PPTC7: variants seen among roughly 807,000 people sequenced by gnomAD.
PPTC7 encodes the protein protein phosphatase targeting COQ7, also known as protein phosphatase PTC7 homolog.
Under a neutral mutation model 30.8 loss-of-function variants are expected in PPTC7, and 6 were observed. That is an observed-to-expected ratio of 0.19 (90% CI 0.11 to 0.38). The LOEUF (loss-of-function observed/expected upper bound fraction) is 0.38, where lower values mean the gene tolerates loss of function less well. Among genes scored for constraint, PPTC7 ranks in the 10% least tolerant of loss-of-function variants. PPTC7 has a pLI of 1.00. For synonymous variants in PPTC7, 163 were observed against 168.1 expected, an observed-to-expected ratio of 0.97 and a Z score of 0.23; for missense variants, 218 against 404.8, an observed-to-expected ratio of 0.54 and a Z score of 3.96.
At chr12:110,556,892 G>A (rs544550735) in intron 1 of PPTC7, among the ~76,000 whole-genome samples, 7 of 152,274 alleles carry the variant, frequency 4.6e-5, no homozygotes, top group Admixed American at 2.6e-4. Flanking sequence ...AGAATGCAGC[G>A]CCTCAAGAAC....
At position 110,534,636 on chromosome 12, in the gene PPTC7, CAG is replaced by C. The variant is rs765749072; in HGVS notation, c.*2399_*2400del. The C allele has an allele frequency of 1.5e-4, 23 of 152,076 alleles. No homozygotes were observed. The highest frequency in any genetic ancestry group is 7.3e-5 in the Non-Finnish European group (5 of 68,032). The allele number at this position is 152,076 out of a possible 1,614,324, so 9.4% of individuals were successfully genotyped here. ...AATTAAGTGCATAACACAAAAAGAA[CAG>C]GGGAAAATAGAGAAAATATTTTATG... On this transcript the variant is annotated 3_prime_UTR_variant, in exon 6 of 6. Transcript: ENST00000354300.
intron 1 of PPTC7, among the ~76,000 whole-genome samples, chr12:110,559,679 T>G (rs1177451029): frequency 6.8e-6 from 1 of 146,368 alleles, no homozygotes; most frequent in Non-Finnish European, 1.5e-5. Context: ...TGAGCCAAGA[T>G]TGCATCACTG....
chr12:110,580,614 ACAGG>A (rs1317552161), intron 1 of PPTC7, among the ~76,000 whole-genome samples: 1 of 152,246 alleles, frequency 6.6e-6, no homozygotes, highest in Non-Finnish European at 1.5e-5. Flanking sequence ...TGCTGGGATT[ACAGG>A]CGTGAGCCAC....
intron 1 of PPTC7, among the ~76,000 whole-genome samples, chr12:110,565,010 G>A (rs1000307267): frequency 1.3e-5 from 2 of 151,526 alleles, no homozygotes. Context: ...GAGTAGCTGG[G>A]ATTACAGGCA....
chr12:110,563,307 TCA>T (rs2064454233), intron 1 of PPTC7, among the ~76,000 whole-genome samples: 1 of 152,022 alleles, frequency 6.6e-6, no homozygotes, highest in Admixed American at 6.6e-5. Context: ...ACTGAAAAGT[TCA>T]ACCCTGTAAT....
intron 3 of PPTC7, among the ~76,000 whole-genome samples, 180 bp from the exon 4 acceptor site, chr12:110,540,125 C>A (rs907141271): frequency 6.6e-6 from 1 of 152,172 alleles, no homozygotes; most frequent in South Asian, 2.1e-4. Flanking sequence ...AAAAGTTAAT[C>A]GAAAATTCTA....
intron 3 of PPTC7, among the ~76,000 whole-genome samples, chr12:110,540,834 G>A (rs2064253350): frequency 6.6e-6 from 1 of 151,146 alleles, no homozygotes; most frequent in Admixed American, 6.6e-5. Flanking sequence ...GGAGTTCAGT[G>A]GCGCGATCTC....
intron 1 of PPTC7, among the ~76,000 whole-genome samples, chr12:110,567,136 T>C (rs1031516186): frequency 1.3e-5 from 2 of 152,228 alleles, no homozygotes; most frequent in African/African-American, 2.4e-5. Context: ...CCCTGTACAT[T>C]GTGAGCCTCC....
At chr12:110,573,961 A>T (rs1038288383) in intron 1 of PPTC7, among the ~76,000 whole-genome samples, 7 of 151,608 alleles carry the variant, frequency 4.6e-5, no homozygotes, top group African/African-American at 1.7e-4. Flanking sequence ...AGCCTGGGCA[A>T]CAAGAGCAAA....
At chr12:110,556,753 A>C (rs920215603) in intron 1 of PPTC7, among the ~76,000 whole-genome samples, 1 of 152,202 alleles carries the variant, frequency 6.6e-6, no homozygotes, top group African/African-American at 2.4e-5. Context: ...CGGCTGAGAA[A>C]GCCGGTCTCT....
chr12:110,577,802 C>G (rs1003784430), intron 1 of PPTC7, among the ~76,000 whole-genome samples: 1 of 152,064 alleles, frequency 6.6e-6, no homozygotes, highest in Non-Finnish European at 1.5e-5. Context: ...TGGCACAGAC[C>G]AGGCTGCCAT....
intron 1 of PPTC7, among the ~76,000 whole-genome samples, chr12:110,577,537 C>T (rs531058896): frequency 2.6e-5 from 4 of 152,136 alleles, no homozygotes; most frequent in Non-Finnish European, 4.4e-5. Context: ...TCTACCTCAT[C>T]CATTCACTTC....
chr12:110,578,309 A>G (rs749404474), intron 1 of PPTC7, among the ~76,000 whole-genome samples: 42 of 152,204 alleles, frequency 2.8e-4, no homozygotes, highest in Non-Finnish European at 5.0e-4. Flanking sequence ...TAGAGTAATA[A>G]GAGAACTCAG....
At chr12:110,559,629 G>A (rs1354982093) in intron 1 of PPTC7, among the ~76,000 whole-genome samples, 5 of 151,384 alleles carry the variant, frequency 3.3e-5, no homozygotes, top group Non-Finnish European at 7.4e-5. Flanking sequence ...GGGATGCTGA[G>A]GCAGGAGAAT....
chr12:110,539,303 G>C (rs976208671), intron 4 of PPTC7, among the ~76,000 whole-genome samples: 5 of 152,170 alleles, frequency 3.3e-5, no homozygotes, highest in Non-Finnish European at 7.4e-5. Flanking sequence ...TAGAGGTAAA[G>C]ACTCATGAGA....
intron 1 of PPTC7, among the ~76,000 whole-genome samples, chr12:110,571,621 C>T (rs966967429): frequency 6.6e-6 from 1 of 152,144 alleles, no homozygotes; most frequent in Admixed American, 6.5e-5. Flanking sequence ...TGCTGCTCAC[C>T]TCTAACTGTG....
At chr12:110,548,650 C>T (rs1357098616) in intron 2 of PPTC7, among the ~76,000 whole-genome samples, 1 of 152,146 alleles carries the variant, frequency 6.6e-6, no homozygotes, top group African/African-American at 2.4e-5. Context: ...AAAAACAACC[C>T]GAGTAGCACA....
At chr12:110,547,039 C>G (rs1184710803) in intron 2 of PPTC7, among the ~76,000 whole-genome samples, 1 of 152,116 alleles carries the variant, frequency 6.6e-6, no homozygotes, top group Non-Finnish European at 1.5e-5. Flanking sequence ...TCCTGGAGCG[C>G]AAGATAGCCC....
In PPTC7 at chr12:110,574,143, A is replaced by T. The variant is rs1220888249; in HGVS notation, c.223+8666T>A. Among the ~76,000 whole-genome samples, 39 of 37,148 alleles carry T rather than the reference A, an allele frequency of 1.0e-3. No homozygotes were observed. The East Asian group carries it at 0.013, about 12-fold the overall frequency. 24.4% of individuals were successfully genotyped at this position (37,148 alleles called of 152,430 possible). On this transcript the variant is annotated intron_variant, in intron 1 of 5. Transcript: ENST00000354300. ...AGAGACTCTGTCTCCACAATAATTA[A>T]AAAAAAAAAAAAAAAAAAAAAAAAA... is the stretch of plus-strand genomic sequence containing the variant.
Sources: gnomAD v4.1 joint callset for allele counts (sites outside exome capture counted in the v4.1 genomes callset) on GRCh38, gnomAD v4.1.1 for gene constraint, MANE v1.5 for transcripts, NCBI Gene and HGNC (gene_info 2026-07-23, HGNC 2026-07-21) for gene names.